The following GPR143 variants were observed in gnomAD, a reference collection of about 807,000 sequenced individuals.
GPR143 encodes the protein G protein-coupled receptor 143, also known as G-protein coupled receptor 143.
In GPR143, 8 loss-of-function variants were observed where a neutral mutation model predicts 27.6. The observed-to-expected ratio is 0.29, with a 90% CI of 0.17 to 0.52. GPR143 has a LOEUF of 0.52. Among genes scored for constraint, GPR143 ranks in the 20% least tolerant of loss-of-function variants. GPR143 has a pLI of 0.96. For missense variants in GPR143, 303 were observed against 343.1 expected, an observed-to-expected ratio of 0.88 and a Z score of 0.92; for synonymous variants, 156 against 153.2, an observed-to-expected ratio of 1.02 and a Z score of -0.13.
chrX:9,777,136 A>G (rs766817077), intron 1 of GPR143, among the ~76,000 whole-genome samples: 1 of 112,595 alleles, frequency 8.9e-6, no homozygotes, highest in South Asian at 3.7e-4. Context: ...ACCAACCACC[A>G]CTGTATTGTA....
chrX:9,766,016 G>T (rs1036302887), upstream of GPR143: 4 of 309,367 alleles, frequency 1.3e-5, no homozygotes, highest in Non-Finnish European at 2.2e-5. Flanking sequence ...GGTGATGCTT[G>T]GGCGGGCGGA....
intron 1 of GPR143, among the ~76,000 whole-genome samples, chrX:9,771,275 G>A (rs758387061): frequency 2.2e-4 from 25 of 111,724 alleles, no homozygotes; most frequent in Admixed American, 1.1e-3. Context: ...TGCCCAGGCT[G>A]GTCTCGAATT....
chrX:9,764,954 G>C (rs764043287), intron 1 of GPR143, among the ~76,000 whole-genome samples: 1 of 108,052 alleles, frequency 9.3e-6, no homozygotes, highest in Non-Finnish European at 1.9e-5. Context: ...AACCCGGGAG[G>C]TGGAGGTTGC....
intron 1 of GPR143, among the ~76,000 whole-genome samples, chrX:9,778,022 C>T (rs1301419329): frequency 1.8e-5 from 2 of 109,943 alleles, no homozygotes; most frequent in Admixed American, 9.7e-5. Context: ...ACCTGGGAGG[C>T]GGAGCTCACA....
At chrX:9,733,036 G>A (rs1434151406) in intron 8 of GPR143, among the ~76,000 whole-genome samples, 1 of 110,905 alleles carries the variant, frequency 9.0e-6, no homozygotes, top group Non-Finnish European at 1.9e-5. Context: ...GATATCATGG[G>A]AGACACAAGG....
chrX:9,767,960 G>C (rs1357684003), upstream of GPR143, among the ~76,000 whole-genome samples: 1 of 111,440 alleles, frequency 9.0e-6, no homozygotes, highest in Admixed American at 9.6e-5. Flanking sequence ...CTGCATTTGA[G>C]TCACTGTTTC....
intron 6 of GPR143, among the ~76,000 whole-genome samples, chrX:9,741,678 G>A (rs1373017762): frequency 1.8e-5 from 2 of 111,506 alleles, no homozygotes; most frequent in Middle Eastern, 4.2e-3. Flanking sequence ...CTTGAGCCCA[G>A]GAGTCTGAGA....
intron 8 of GPR143, among the ~76,000 whole-genome samples, chrX:9,735,558 T>TAA (rs75375720): frequency 9.4e-6 from 1 of 105,981 alleles, no homozygotes; most frequent in Middle Eastern, 4.7e-3. Context: ...TTCACAGGTT[T>TAA]AAAAAAAAAA....
At chrX:9,765,069 G>A (rs2083523325) in intron 1 of GPR143, among the ~76,000 whole-genome samples, 1 of 110,806 alleles carries the variant, frequency 9.0e-6, no homozygotes, top group South Asian at 3.9e-4. Flanking sequence ...CGGTCCCTAG[G>A]GAACAGCCTC....
rs199545459 is a variant in GPR143, at chrX:9,734,093, AAAAAG to A, written c.1120+5387_1120+5391del. 6.3e-3 allele frequency among the ~76,000 whole-genome samples: 696 copies of A among 109,873 alleles called. 4 individuals are homozygous for A. The highest frequency in any genetic ancestry group is 0.022 in the African/African-American group (660 of 30,186). On this transcript the variant is annotated intron_variant, in intron 8 of 8. Coordinates refer to ENST00000467482, the MANE Select transcript of GPR143 (RefSeq NM_000273.3). ...GAAACTCTGTCTCAAAAAAAAAAAA[AAAAAG>A]AAGAAGAATAAAATAGATTATAGAA...
intron 3 of GPR143, among the ~76,000 whole-genome samples, chrX:9,753,675 C>T (rs1327961528): frequency 9.0e-6 from 1 of 111,357 alleles, no homozygotes; most frequent in African/African-American, 3.3e-5. Flanking sequence ...GCCCTCACAG[C>T]CCCCCAGCGA....
intron 5 of GPR143, among the ~76,000 whole-genome samples, chrX:9,744,907 A>G (rs918640828): frequency 9.0e-6 from 1 of 111,358 alleles, no homozygotes; most frequent in Admixed American, 9.5e-5. Context: ...TCAAATCACT[A>G]TTTTTGATGA....
intron 8 of GPR143, chrX:9,738,403 G>T (rs1814282794): frequency 1.3e-5 from 10 of 749,114 alleles, no homozygotes; most frequent in Non-Finnish European, 1.3e-5. Context: ...CATGCTTCGT[G>T]AACTATTTGT....
At chrX:9,765,953 G>T, upstream of GPR143, 1 of 624,805 alleles carries the variant, frequency 1.6e-6, no homozygotes, top group Non-Finnish European at 2.2e-6. Flanking sequence ...CTGCAGTAGA[G>T]CCAGGCTCGG....
At chrX:9,743,218 CAAAA>C (rs35238066) in intron 6 of GPR143, among the ~76,000 whole-genome samples, 1 of 37,269 alleles carries the variant, frequency 2.7e-5, no homozygotes. Flanking sequence ...GACCCTGTCT[CAAAA>C]AAAAAAAAAA....
At chrX:9,753,132 T>C (rs1436889948) in intron 3 of GPR143, among the ~76,000 whole-genome samples, 2 of 110,865 alleles carry the variant, frequency 1.8e-5, no homozygotes, top group Admixed American at 9.6e-5. Context: ...TCCCAGCACG[T>C]TGGGAGGCCA....
chrX:9,758,650 C>T (rs960632497), intron 3 of GPR143, among the ~76,000 whole-genome samples: 2 of 111,863 alleles, frequency 1.8e-5, no homozygotes, highest in South Asian at 3.7e-4. Flanking sequence ...TTTGGGAGGC[C>T]GAGGCAGGAG....
chrX:9,752,703 T>G (rs1233995452), intron 3 of GPR143, among the ~76,000 whole-genome samples: 6 of 111,445 alleles, frequency 5.4e-5, no homozygotes, highest in Non-Finnish European at 9.4e-5. Context: ...AGCTGCAGCC[T>G]GGCCTGGAGG....
In GPR143 at chrX:9,746,105, G is replaced by A; in HGVS notation, c.597C>T (p.Tyr199=). 8.3e-7 allele frequency: 1 copy of A among 1,204,879 alleles called. No individual in the cohort carries two copies. Among genetic ancestry groups the A allele is most frequent in the South Asian group, 1.8e-5 (1 of 56,845 alleles). ...DHAIPHYVTM[Y]LPLLLVLVAN... ...CCACGAGAACCAGCAGCAGGGGCAG[G>A]TACATGGTGACATAGTGGGGGATGG... The change falls in exon 5 of 9, where the codon TAC becomes TAT. Residue 199 remains tyrosine, a synonymous_variant. Coordinates refer to ENST00000467482, the MANE Select transcript of GPR143 (RefSeq NM_000273.3).
Sources: allele counts gnomAD v4.1 joint callset (sites outside exome capture counted in the v4.1 genomes callset), GRCh38; gene constraint gnomAD v4.1.1; transcripts MANE v1.5; gene names NCBI Gene and HGNC (gene_info 2026-07-23, HGNC 2026-07-21).